Variants in AVIL observed in about 807,000 individuals in gnomAD.
AVIL encodes the protein advillin.
AVIL carries 78 observed loss-of-function variants against 109.9 expected under a neutral mutation model. That is an observed-to-expected ratio of 0.71 (90% CI 0.59 to 0.86). The LOEUF (loss-of-function observed/expected upper bound fraction) is 0.86, where lower values mean the gene tolerates loss of function less well. Ranked by LOEUF, AVIL falls within the 40% of genes least tolerant of loss-of-function variation. The pLI, the probability that AVIL is intolerant of heterozygous loss-of-function variation, is 0.00. For synonymous variants in AVIL, 367 were observed against 379.1 expected (o/e 0.97, Z 0.37); for missense variants, 892 against 1,016.5 (o/e 0.88, Z 1.67).
chr12:57,810,305 C>T lies in AVIL; in HGVS notation c.761+44G>A, dbSNP rs753819542. On this transcript the variant is annotated intron_variant, in intron 7 of 19. Transcript: ENST00000549994. ...GGCTGGTGTTCTAGGGGACACCTTCCCCCCAACCCCAGCTTCCAGCTAAAA... is the reference window on the plus strand; with the variant it reads ...GGCTGGTGTTCTAGGGGACACCTTCTCCCCAACCCCAGCTTCCAGCTAAAA... 3.7e-6 allele frequency: 6 copies of T among 1,605,034 alleles called. No individual in the cohort carries two copies. In the East Asian group the frequency reaches 1.1e-4, roughly 30 times the overall value.
chr12:57,803,494 C>T, intron 15 of AVIL, 30 bp downstream of exon 15: 1 of 1,613,890 alleles, frequency 6.2e-7, no homozygotes, highest in Non-Finnish European at 8.5e-7. Flanking sequence ...CAGGGGGAGC[C>T]CAGAAGAGGG....
chr12:57,805,460 A>G lies in AVIL; in HGVS notation c.1671+900T>C, dbSNP rs564105525. Among the ~76,000 whole-genome samples, 16 of 152,014 alleles carry G rather than the reference A, an allele frequency of 1.1e-4. No homozygotes were observed. The East Asian group carries it at 2.9e-3, about 28-fold the overall frequency. On this transcript the variant is annotated intron_variant, in intron 14 of 19. Coordinates refer to ENST00000549994, the MANE Select transcript of AVIL (RefSeq NM_006576.4). The stretch of plus-strand genomic sequence containing the variant: ...TTAGAGTCCACCAAATTCACATGGG[A>G]AGATTGACTTATCCAGCCTCCATCT...
At position 57,797,863 on chromosome 12, in the gene AVIL, A is replaced by G. The variant is rs1955766926; in HGVS notation, c.*19T>C. On this transcript the variant is annotated 3_prime_UTR_variant, in exon 20 of 20. Transcript: ENST00000549994. ...CTGCTCTTTTCTGTGGCCTTGCAAT[A>G]GGTATAGGCCTTCTTGCTTTAGAAA... 1 of 1,536,504 alleles carries G rather than the reference A, an allele frequency of 6.5e-7. No homozygotes were observed. Among genetic ancestry groups the G allele is most frequent in the East Asian group, 2.3e-5 (1 of 43,262 alleles).
At chr12:57,810,242 C>T (rs918749251) in intron 7 of AVIL, 107 bp downstream of exon 7, 8 of 1,230,428 alleles carry the variant, frequency 6.5e-6, no homozygotes, top group African/African-American at 4.5e-5. Flanking sequence ...AGAAGAAAAC[C>T]AGATGGCTAC....
chr12:57,808,622 C>T, intron 9 of AVIL, 74 bp from the exon 10 acceptor site: 2 of 1,549,856 alleles, frequency 1.3e-6, no homozygotes, highest in Admixed American at 1.9e-5. Context: ...TGGTAATTCA[C>T]CTCTATGAAG....
At position 57,806,410 on chromosome 12, in the gene AVIL, C is replaced by G. The variant is rs201497225; in HGVS notation, c.1621G>C (p.Asp541His). The change falls in exon 14 of 20, where the codon GAT (aspartate) becomes CAT (histidine). Residue 541 changes from aspartate to histidine, a missense_variant. By Grantham distance (81) the Asp-to-His change is moderately conservative. Transcript: ENST00000549994. ...GCCTGAGTTCGCAGCAGAAAGACAT[C>G]ATTGGAGTTTAGGGAGGAGGCAAAG... Reference protein sequence around the residue: ...PAFASSLNSNDVFLLRTQAEH... With the variant: ...PAFASSLNSNHVFLLRTQAEH... 448 of 1,613,934 alleles carry G rather than the reference C, an allele frequency of 2.8e-4. No homozygotes were observed. The highest frequency in any genetic ancestry group is 3.4e-4 in the Non-Finnish European group (404 of 1,180,008).
At chr12:57,801,860 ACTT>A (rs1178671682) in intron 17 of AVIL, among the ~76,000 whole-genome samples, 1 of 152,210 alleles carries the variant, frequency 6.6e-6, no homozygotes, top group Non-Finnish European at 1.5e-5. Context: ...AGGGAGCAAT[ACTT>A]CTACTGGCTA....
At chr12:57,800,243 C>G (rs1398762704) in intron 18 of AVIL, 1 of 218,852 alleles carries the variant, frequency 4.6e-6, no homozygotes, top group Admixed American at 5.1e-5. Context: ...TTTATTTAGC[C>G]CTGCATTTCC....
intron 19 of AVIL, among the ~76,000 whole-genome samples, chr12:57,798,551 A>G (rs117989560): frequency 0.012 from 1,791 of 152,284 alleles, 9 homozygotes; most frequent in Middle Eastern, 0.048. Flanking sequence ...CATTGTGGGA[A>G]ATCCAGAGTC....
In AVIL at chr12:57,803,676, G is replaced by A. The variant is rs1955895421; in HGVS notation, c.1672-7C>T. The A allele has an allele frequency of 2.5e-6, 4 of 1,613,650 alleles. No homozygotes were observed. The highest frequency in any genetic ancestry group is 3.4e-6 in the Non-Finnish European group (4 of 1,179,856). On this transcript the variant is annotated splice_polypyrimidine_tract_variant and splice_region_variant and intron_variant, in intron 14 of 19. Coordinates refer to ENST00000549994, the MANE Select transcript of AVIL (RefSeq NM_006576.4). ...GCTCATCCCCACTAGACCCCTGAGA[G>A]TGGGGCGAGGAGAGCACAGATGTTA...
intron 16 of AVIL, 76 bp from the exon 17 acceptor site, chr12:57,802,424 ATCTT>A: frequency 6.8e-7 from 1 of 1,479,520 alleles, no homozygotes; most frequent in Non-Finnish European, 9.2e-7. Context: ...ACATTACCCT[ATCTT>A]TCCCCTTTCT....
intron 14 of AVIL, among the ~76,000 whole-genome samples, chr12:57,805,608 A>G (rs1267726273): frequency 6.7e-6 from 1 of 148,974 alleles, no homozygotes; most frequent in Non-Finnish European, 1.5e-5. Flanking sequence ...ATCTCGGCTC[A>G]CCGCAACCTC....
chr12:57,816,893 C>T (rs1956106905), intron 1 of AVIL, among the ~76,000 whole-genome samples: 1 of 151,924 alleles, frequency 6.6e-6, no homozygotes, highest in Admixed American at 6.6e-5. Context: ...AGATGGCTTC[C>T]TTTTTCCCTC....
chr12:57,808,143 A>G (rs754804378), intron 11 of AVIL, 51 bp downstream of exon 11: 7 of 1,586,232 alleles, frequency 4.4e-6, no homozygotes, highest in Non-Finnish European at 6.1e-6. Context: ...CCAGCAGGAC[A>G]GCCATGAAGG....
chr12:57,798,011 A>G lies in AVIL; in HGVS notation c.2347-16T>C, dbSNP rs750039328. On this transcript the variant is annotated splice_polypyrimidine_tract_variant and intron_variant, in intron 19 of 19. Transcript: ENST00000549994. ...AGAGGTAATTCTAAGAGAGAAAACA[A>G]AGTTTCTAGTTAGAAGGAAGACATG... 1.3e-6 allele frequency: 2 copies of G among 1,555,700 alleles called. No individual in the cohort carries two copies. The highest frequency in any genetic ancestry group is 1.7e-6 in the Non-Finnish European group (2 of 1,148,540).
intron 17 of AVIL, 117 bp downstream of exon 17, chr12:57,802,043 T>C (rs1955858952): frequency 8.5e-7 from 1 of 1,175,254 alleles, no homozygotes; most frequent in African/African-American, 1.5e-5. Context: ...GGGATGGGAG[T>C]AGGGAAATGA....
intron 18 of AVIL, 29 bp from the exon 19 acceptor site, chr12:57,799,949 G>A (rs1483965775): frequency 1.2e-6 from 2 of 1,613,118 alleles, no homozygotes; most frequent in South Asian, 1.1e-5. Context: ...TAGGCACAGG[G>A]AAAAGACTCC....
chr12:57,817,416 G>A (rs956831640), intron 1 of AVIL, among the ~76,000 whole-genome samples: 6 of 151,314 alleles, frequency 4.0e-5, no homozygotes, highest in African/African-American at 4.9e-5. Flanking sequence ...GACTCGCTTT[G>A]TCTACTGCTG....
At chr12:57,810,198 C>G in intron 7 of AVIL, 151 bp downstream of exon 7, 1 of 858,132 alleles carries the variant, frequency 1.2e-6, no homozygotes, top group East Asian at 2.7e-5. Flanking sequence ...GGGGGATCTC[C>G]AAGCTTTCTA....
Sources: gnomAD v4.1 joint callset for allele counts (sites outside exome capture counted in the v4.1 genomes callset) on GRCh38, gnomAD v4.1.1 for gene constraint, MANE v1.5 for transcripts, NCBI Gene and HGNC (gene_info 2026-07-23, HGNC 2026-07-21) for gene names.